MDN1: variants seen among roughly 807,000 people sequenced by gnomAD.
MDN1 encodes midasin.
Under a neutral mutation model 669.2 loss-of-function variants are expected in MDN1, and 266 were observed. The ratio of observed to expected loss-of-function variants is 0.40; its 90% CI spans 0.36 to 0.44. The LOEUF (loss-of-function observed/expected upper bound fraction) is 0.44, where lower values mean the gene tolerates loss of function less well. MDN1 is among the 20% of genes least tolerant of loss of function. MDN1 has a pLI of 1.00. For missense variants in MDN1, 5,940 were observed against 6,754.0 expected, an observed-to-expected ratio of 0.88 and a Z score of 4.22; for synonymous variants, 2,385 against 2,457.1, an observed-to-expected ratio of 0.97 and a Z score of 0.87.
At chr6:89,676,299 A>C in intron 76 of MDN1, 92 bp from the exon 77 acceptor site, 1 of 1,064,284 alleles carries the variant, frequency 9.4e-7, no homozygotes. Flanking sequence ...TTTGGCCATA[A>C]CCAAGAGTCA....
intron 15 of MDN1, among the ~76,000 whole-genome samples, chr6:89,769,896 C>T (rs988371881): frequency 6.6e-6 from 1 of 152,130 alleles, no homozygotes; most frequent in African/African-American, 2.4e-5. Flanking sequence ...TATGTTAGGA[C>T]TACTTAATGG....
intron 1 of MDN1, among the ~76,000 whole-genome samples, chr6:89,804,006 A>G (rs1584397310): frequency 7.1e-6 from 1 of 141,358 alleles, no homozygotes; most frequent in African/African-American, 2.7e-5. Context: ...AGCGATTCTC[A>G]TGCCTCAGCC....
rs775865377 is a variant in MDN1, at chr6:89,730,837, G to GTACTATCTTGGCA, written c.5016_5028dup (p.Arg1677CysfsTer13). The GTACTATCTTGGCA allele has an allele frequency of 1.9e-6, 3 of 1,613,796 alleles. No individual in the cohort carries two copies. The highest frequency in any genetic ancestry group is 2.5e-6 in the Non-Finnish European group (3 of 1,179,914). On this transcript the variant is annotated frameshift_variant, in exon 35 of 102. Coordinates refer to ENST00000369393, the MANE Select transcript of MDN1 (RefSeq NM_014611.3). LOFTEE classifies it high-confidence loss of function. ...TCATTTTTCTGATATTCTGTAAGTC[G>GTACTATCTTGGCA]TACTATCTTGGCAAGCCTCTTGATT...
intron 52 of MDN1, among the ~76,000 whole-genome samples, chr6:89,706,590 T>C (rs1262171463): frequency 3.9e-5 from 6 of 152,196 alleles, no homozygotes; most frequent in African/African-American, 1.4e-4. Flanking sequence ...TGTGGCATCA[T>C]GTCAGTGCTC....
intron 37 of MDN1, 23 bp downstream of exon 37, chr6:89,727,810 G>A: frequency 1.9e-6 from 3 of 1,609,782 alleles, no homozygotes; most frequent in Non-Finnish European, 2.5e-6. Flanking sequence ...CACCGTCTTG[G>A]GCATGACAAA....
At chr6:89,661,315 C>G in intron 88 of MDN1, 116 bp downstream of exon 88, 1 of 1,179,720 alleles carries the variant, frequency 8.5e-7, no homozygotes, top group Non-Finnish European at 1.2e-6. Flanking sequence ...TGGGATTGAG[C>G]CTACCAAACG....
intron 68 of MDN1, 89 bp downstream of exon 68, chr6:89,687,255 A>G: frequency 1.5e-6 from 2 of 1,291,934 alleles, no homozygotes; most frequent in South Asian, 2.7e-5. Flanking sequence ...TGTAGCTGTA[A>G]TACTATATAA....
Position 89,693,145 on chromosome 6 carries a change from C to A in MDN1, c.9885G>T (p.Leu3295=). Residue 3295 remains leucine (L), a synonymous_variant, in exon 63 of 102, where the codon CTG becomes CTT. Coordinates refer to ENST00000369393, the MANE Select transcript of MDN1 (RefSeq NM_014611.3). ...VVSYSHPHVR[L]LRQRMDRLDN... is the part of the protein sequence containing the mutation. ...CCAGCCGATCCATCCTTTGGCGAAGCAGCCTAACGGGAAATTAACACAATA... is the reference window on the plus strand; with the variant it reads ...CCAGCCGATCCATCCTTTGGCGAAGAAGCCTAACGGGAAATTAACACAATA... 1 of 1,577,310 alleles carries A rather than the reference C, an allele frequency of 6.3e-7. No individual in the cohort carries two copies. The highest frequency in any genetic ancestry group is 8.6e-7 in the Non-Finnish European group (1 of 1,162,474).
rs747798106 is a variant in MDN1 at position 89,718,651 on chromosome 6, C to A, written c.6322-24G>T. Reference sequence around the variant, plus strand: ...ACCTGTAATTTCCAGAGGACATGAACTCATCATAGGGTCAGAGAATACTGT... The same window carrying A: ...ACCTGTAATTTCCAGAGGACATGAAATCATCATAGGGTCAGAGAATACTGT... On this transcript the variant is annotated intron_variant, in intron 42 of 101. Transcript: ENST00000369393. 8.7e-6 allele frequency: 14 copies of A among 1,611,424 alleles called. No individual in the cohort carries two copies. In the African/African-American group the frequency reaches 1.7e-4, roughly 20 times the overall value.
chr6:89,746,558 C>A (rs1816622951), intron 27 of MDN1, among the ~76,000 whole-genome samples: 1 of 137,130 alleles, frequency 7.3e-6, no homozygotes, highest in Non-Finnish European at 1.5e-5. Flanking sequence ...CGTGCCACTG[C>A]ACTCCAGCCT....
intron 1 of MDN1, among the ~76,000 whole-genome samples, chr6:89,813,998 G>A (rs1584412187): frequency 6.6e-6 from 1 of 151,846 alleles, no homozygotes; most frequent in East Asian, 1.9e-4. Context: ...GGATGGGGAG[G>A]GTCCTAAAGT....
chr6:89,671,143 T>C lies in MDN1; in HGVS notation c.13795-63A>G, dbSNP rs1810724985. 3 of 1,535,566 alleles carry C rather than the reference T, an allele frequency of 2.0e-6. No homozygotes were observed. In the East Asian group the frequency reaches 6.9e-5, roughly 35 times the overall value. On this transcript the variant is annotated intron_variant, in intron 82 of 101. Coordinates refer to ENST00000369393, the MANE Select transcript of MDN1 (RefSeq NM_014611.3). Reference sequence around the variant, plus strand: ...CTTGGCAGGTACCAGGTTTCCATTCTGGAACTAGATAGTGGTGGTAATTGC... The same window carrying C: ...CTTGGCAGGTACCAGGTTTCCATTCCGGAACTAGATAGTGGTGGTAATTGC...
At chr6:89,809,832 A>ATAAAATAAAATAAAATAAAC (rs1768268462) in intron 1 of MDN1, among the ~76,000 whole-genome samples, 1 of 147,526 alleles carries the variant, frequency 6.8e-6, no homozygotes, top group Admixed American at 6.8e-5. Flanking sequence ...ATAAAATAAA[A>ATAAAATAAAATAAAATAAAC]TAAAAAATTA....
Position 89,819,527 on chromosome 6 carries a change from C to T in MDN1, c.81G>A (p.Leu27=). Residue 27 remains leucine (L), a synonymous_variant, in exon 1 of 102, where the codon TTG becomes TTA. Transcript: ENST00000369393. ...TTACCTGCTTGGCCAAGAACCTGCC[C>T]AACTCACTGCGGCTCTTCTCGTTCT... ...AAKNEKSRSE[L]GRFLAKQVWT... is the part of the protein sequence containing the mutation. The T allele has an allele frequency of 6.2e-7, 1 of 1,606,210 alleles. No homozygotes were observed. The highest frequency in any genetic ancestry group is 8.5e-7 in the Non-Finnish European group (1 of 1,179,966).
In MDN1 at chr6:89,789,777, T is replaced by C. The variant is rs372844162; in HGVS notation, c.1230+3A>G. The C allele has an allele frequency of 1.9e-6, 3 of 1,586,078 alleles. No homozygotes were observed. Among genetic ancestry groups the C allele is most frequent in the African/African-American group, 2.7e-5 (2 of 73,618 alleles). On this transcript the variant is annotated splice_donor_region_variant and intron_variant, in intron 7 of 101. Transcript: ENST00000369393. ...GGACAATGAATTTCCTGAGATGACA[T>C]ACCACGTCTAAGGGGGCATAGTCAA...
In MDN1 at chr6:89,694,115, C is replaced by T; in HGVS notation, c.9840G>A (p.Leu3280=). 6.2e-7 allele frequency: 1 copy of T among 1,614,198 alleles called. No individual in the cohort carries two copies. The highest frequency in any genetic ancestry group is 2.2e-5 in the East Asian group (1 of 44,894). The change falls in exon 62 of 102, where the codon CTG becomes CTA. Residue 3280 remains leucine (L), a synonymous_variant. Transcript: ENST00000369393. ...LSSQLQTGRD[L]EDEVVVSYSH... ...AGTAGCTGACAACGACTTCATCTTC[C>T]AGGTCTCTTCCAGTCTGCAGCTGGG... is the stretch of plus-strand genomic sequence containing the variant.
intron 1 of MDN1, among the ~76,000 whole-genome samples, chr6:89,810,503 T>C (rs12661693): frequency 0.48 from 72,409 of 151,992 alleles, 17,476 homozygotes; most frequent in South Asian, 0.56. Context: ...ATTCTAAAGT[T>C]TGGAAGTCCA....
Position 89,750,452 on chromosome 6 carries a change from T to C in MDN1, c.3308A>G (p.Asn1103Ser), listed in dbSNP as rs148764634. Residue 1103 changes from asparagine (N) to serine (S), a missense_variant, in exon 24 of 102, where the codon AAC becomes AGC. Around this residue, in one of 5 missense-constraint regions of MDN1, gnomAD observed 2,292 missense variants for 2,638.3 expected, o/e 0.87. Transcript: ENST00000369393. ...GTGATTATTAATACGCACACAGTGG[T>C]TGCCAGTAGCTGCAGCCAGCCACTG... is the stretch of plus-strand genomic sequence containing the variant. ...LIQWLAAATG[N>S]HCVRINNHEH... 133 of 1,614,018 alleles carry C rather than the reference T, an allele frequency of 8.2e-5. 1 individual carries two copies. In the Middle Eastern group the frequency reaches 1.5e-3, roughly 18 times the overall value.
At chr6:89,691,982 T>G (rs1023736777) in intron 63 of MDN1, among the ~76,000 whole-genome samples, 24 of 152,316 alleles carry the variant, frequency 1.6e-4, no homozygotes, top group African/African-American at 4.8e-4. Flanking sequence ...TAAATATTAA[T>G]ATATATACAC....
Sources: gnomAD v4.1 joint callset for allele counts (sites outside exome capture counted in the v4.1 genomes callset) on GRCh38, gnomAD v4.1.1 for gene constraint, gnomAD v4.1.1 regional missense constraint, MANE v1.5 for transcripts, NCBI Gene and HGNC (gene_info 2026-07-23, HGNC 2026-07-21) for gene names.